The following SPC24 variants were observed in gnomAD, a reference collection of about 807,000 sequenced individuals.
The protein encoded by SPC24 is kinetochore protein Spc24.
SPC24 carries 31 observed loss-of-function variants against 27.6 expected under a neutral mutation model. The ratio of observed to expected loss-of-function variants is 1.12; its 90% CI spans 0.84 to 1.52. The LOEUF (loss-of-function observed/expected upper bound fraction) is 1.52, where lower values mean the gene tolerates loss of function less well. Ranked by LOEUF, SPC24 falls within the 40% of genes most tolerant of loss-of-function variation. The probability of loss-of-function intolerance (pLI) is 0.00; values close to 1 mark genes in which losing one functional copy is unlikely to be tolerated. For missense variants in SPC24, 284 were observed against 252.5 expected, an observed-to-expected ratio of 1.12 and a Z score of -0.84; for synonymous variants, 105 against 105.8, an observed-to-expected ratio of 0.99 and a Z score of 0.05.
intron 1 of SPC24, 121 bp from the exon 2 acceptor site, chr19:11,149,359 C>G (rs2077853199): frequency 1.1e-6 from 1 of 897,154 alleles, no homozygotes; most frequent in Non-Finnish European, 1.6e-6. Context: ...GCCCTGTGTC[C>G]AGAGAGTTCT....
intron 1 of SPC24, among the ~76,000 whole-genome samples, chr19:11,150,101 C>CA (rs1157794698): frequency 6.8e-6 from 1 of 146,248 alleles, no homozygotes; most frequent in Non-Finnish European, 1.5e-5. Context: ...ACAGGAGAAT[C>CA]ACTTGAACCC....
At chr19:11,152,396 G>A (rs542087291) in intron 1 of SPC24, among the ~76,000 whole-genome samples, 3 of 152,226 alleles carry the variant, frequency 2.0e-5, no homozygotes, top group African/African-American at 7.2e-5. Context: ...TTTTAGTAGA[G>A]ACCAGGTTTC....
At chr19:11,151,548 C>T (rs975939950) in intron 1 of SPC24, among the ~76,000 whole-genome samples, 2 of 152,092 alleles carry the variant, frequency 1.3e-5, no homozygotes, top group Non-Finnish European at 2.9e-5. Flanking sequence ...GTAATCTCTA[C>T]CCCATGGCTG....
intron 4 of SPC24, 147 bp downstream of exon 4, chr19:11,147,671 T>G (rs1001271403): frequency 1.4e-6 from 1 of 708,810 alleles, no homozygotes; most frequent in African/African-American, 1.8e-5. Context: ...TGGCCTCAAG[T>G]GATCCTCCCA....
At chr19:11,151,164 A>C (rs1296756754) in intron 1 of SPC24, among the ~76,000 whole-genome samples, 4 of 52,610 alleles carry the variant, frequency 7.6e-5, no homozygotes, top group Non-Finnish European at 1.4e-4. Flanking sequence ...CTCCGTCTCA[A>C]AAAAAAAAAA....
rs2077828563 is a variant in SPC24 at position 11,146,766 on chromosome 19, TC to T, written c.*416del. On this transcript the variant is annotated 3_prime_UTR_variant, in exon 5 of 5. Transcript: ENST00000592540. ...CTGGGCGACAGAGTGAGACTCCGTC[TC>T]AAAAAAAAAAAAAAAAGGAAGACGT... 1 of 101,842 alleles carries T rather than the reference TC, an allele frequency of 9.8e-6. No homozygotes were observed. The highest frequency in any genetic ancestry group is 4.6e-5 in the African/African-American group (1 of 21,642). 6.3% of individuals were successfully genotyped at this position (101,842 alleles called of 1,614,324 possible). A position where few individuals can be genotyped will look rare whatever the true frequency, so the allele number is the denominator to read the frequency against.
chr19:11,150,254 G>A (rs1220483965), intron 1 of SPC24, among the ~76,000 whole-genome samples: 1 of 150,972 alleles, frequency 6.6e-6, no homozygotes, highest in Non-Finnish European at 1.5e-5. Flanking sequence ...GCTTTGGGAG[G>A]CCCAGGCAGA....
At chr19:11,148,178 G>A (rs113621517) in intron 2 of SPC24, 61 bp from the exon 3 acceptor site, 13,045 of 1,142,266 alleles carry the variant, frequency 0.011, 102 homozygotes, top group Middle Eastern at 0.013. Flanking sequence ...GCTAACTGCA[G>A]CTGGGAGGCC....
chr19:11,146,530 CCAAGGCGGGCAGATCA>C lies in SPC24; in HGVS notation c.*637_*652del, dbSNP rs2077825240. ...CCTGTAATCCCAGCACTTTGGGAGGCCAAGGCGGGCAGATCACAAACTCAGGAGATGGAGACCATCC... is the reference window on the plus strand; with the variant it reads ...CCTGTAATCCCAGCACTTTGGGAGGCCAAACTCAGGAGATGGAGACCATCC... On this transcript the variant is annotated 3_prime_UTR_variant, in exon 5 of 5. Transcript: ENST00000592540. 1 of 144,962 alleles carries C rather than the reference CCAAGGCGGGCAGATCA, an allele frequency of 6.9e-6. No individual in the cohort carries two copies. Among genetic ancestry groups the C allele is most frequent in the Admixed American group, 7.1e-5 (1 of 14,084 alleles). The allele number at this position is 144,962 out of a possible 1,614,324, so 9.0% of individuals were successfully genotyped here.
At chr19:11,155,574 G>A (rs2147331012) in intron 1 of SPC24, 43 bp downstream of exon 1, 1 of 1,521,540 alleles carries the variant, frequency 6.6e-7, no homozygotes, top group Non-Finnish European at 8.8e-7. Context: ...CCAGCACCCG[G>A]GCCCCTTCCC....
At chr19:11,151,945 C>T (rs776726962) in intron 1 of SPC24, among the ~76,000 whole-genome samples, 6 of 143,424 alleles carry the variant, frequency 4.2e-5, no homozygotes, top group Non-Finnish European at 9.1e-5. Context: ...ATTTTTGAGA[C>T]AGTCTTGCTC....
intron 1 of SPC24, among the ~76,000 whole-genome samples, chr19:11,150,185 C>CAAAAAA (rs770061574): frequency 3.1e-5 from 1 of 32,270 alleles, no homozygotes; most frequent in Non-Finnish European, 5.8e-5. Context: ...AACTCCATCT[C>CAAAAAA]AAAAAAAAAA....
intron 1 of SPC24, among the ~76,000 whole-genome samples, chr19:11,154,126 G>C (rs560161647): frequency 7.9e-5 from 12 of 152,226 alleles, no homozygotes; most frequent in Middle Eastern, 3.4e-3. Flanking sequence ...CGTGTTCATA[G>C]CAGCGTTATT....
rs58845884 is a variant in SPC24 at position 11,147,908 on chromosome 19, C to CAAAAAA, written c.411-20_411-15dup. The CAAAAAA allele has an allele frequency of 1.7e-3, 1,844 of 1,113,610 alleles. 2 individuals carry two copies. Among genetic ancestry groups the CAAAAAA allele is most frequent in the South Asian group, 9.0e-3 (551 of 61,094 alleles). The allele number at this position is 1,113,610 out of a possible 1,614,324, so 69.0% of individuals were successfully genotyped here. On this transcript the variant is annotated splice_polypyrimidine_tract_variant and intron_variant, in intron 3 of 4. Transcript: ENST00000592540. ...TGAGCCACGTACCTGTACAGGAAGA[C>CAAAAAA]AAAAAAAAAAAAAAAAAAAAAAGAA...
intron 1 of SPC24, among the ~76,000 whole-genome samples, chr19:11,152,631 T>C (rs1415957786): frequency 6.6e-6 from 1 of 152,126 alleles, no homozygotes; most frequent in Non-Finnish European, 1.5e-5. Flanking sequence ...ACTGGATCTG[T>C]TTGACCCAAA....
chr19:11,151,811 T>C (rs982395358), intron 1 of SPC24, among the ~76,000 whole-genome samples: 3 of 151,874 alleles, frequency 2.0e-5, no homozygotes, highest in Non-Finnish European at 4.4e-5. Context: ...TGTTTCACCA[T>C]GTTGGCCAGG....
intron 1 of SPC24, among the ~76,000 whole-genome samples, chr19:11,151,366 T>G (rs1464325391): frequency 6.6e-6 from 1 of 152,072 alleles, no homozygotes; most frequent in Non-Finnish European, 1.5e-5. Context: ...GCCTCCACAT[T>G]TCTAAGTTAA....
chr19:11,147,722 C>G, intron 4 of SPC24, 96 bp downstream of exon 4: 1 of 1,152,292 alleles, frequency 8.7e-7, no homozygotes, highest in South Asian at 1.3e-5. Context: ...ATGCACGCCA[C>G]CACACCCGGC....
intron 1 of SPC24, among the ~76,000 whole-genome samples, chr19:11,153,036 G>C (rs537191034): frequency 7.2e-5 from 11 of 152,020 alleles, no homozygotes; most frequent in Non-Finnish European, 1.2e-4. Flanking sequence ...GACTGTATAA[G>C]GCACCTGAAA....
Sources: allele counts gnomAD v4.1 joint callset (sites outside exome capture counted in the v4.1 genomes callset), GRCh38; gene constraint gnomAD v4.1.1; transcripts MANE v1.5; gene names NCBI Gene and HGNC (gene_info 2026-07-23, HGNC 2026-07-21).